CPPED1: variants seen among roughly 807,000 people sequenced by gnomAD.
The protein encoded by CPPED1 is calcineurin like phosphoesterase domain containing 1, also known as serine/threonine-protein phosphatase CPPED1.
CPPED1 carries 28 observed loss-of-function variants against 28.0 expected under a neutral mutation model. The observed-to-expected ratio is 1.00, with a 90% CI of 0.74 to 1.37. The LOEUF (loss-of-function observed/expected upper bound fraction) is 1.37. Among genes scored for constraint, CPPED1 ranks in the 40% most tolerant of loss-of-function variants. CPPED1 has a pLI of 0.00. For missense variants in CPPED1, 504 were observed against 416.5 expected (o/e 1.21, Z -1.83); for synonymous variants, 198 against 180.2 (o/e 1.10, Z -0.79).
At chr16:12,712,201 C>T (rs909172758) in intron 2 of CPPED1, among the ~76,000 whole-genome samples, 1 of 152,092 alleles carries the variant, frequency 6.6e-6, no homozygotes, top group Non-Finnish European at 1.5e-5. Context: ...GGGAAGCATG[C>T]CAAGGACAAG....
intron 1 of CPPED1, among the ~76,000 whole-genome samples, chr16:12,799,243 G>GTTTT (rs200948126): frequency 4.4e-5 from 6 of 135,214 alleles, no homozygotes; most frequent in Non-Finnish European, 6.5e-5. Context: ...GGAAAAGTCA[G>GTTTT]TTTTTTTTTT....
intron 3 of CPPED1, among the ~76,000 whole-genome samples, chr16:12,685,309 G>T (rs1054667383): frequency 2.0e-5 from 3 of 152,142 alleles, no homozygotes; most frequent in Admixed American, 1.3e-4. Context: ...AATTAGCCAG[G>T]TGTGGTGGTG....
At chr16:12,781,759 T>C (rs2080533221) in intron 1 of CPPED1, among the ~76,000 whole-genome samples, 1 of 152,106 alleles carries the variant, frequency 6.6e-6, no homozygotes, top group Admixed American at 6.6e-5. Context: ...AGAATAAAAC[T>C]CCCCAAATTG....
At chr16:12,750,321 C>A (rs1596470783) in intron 2 of CPPED1, among the ~76,000 whole-genome samples, 1 of 152,202 alleles carries the variant, frequency 6.6e-6, no homozygotes, top group East Asian at 1.9e-4. Context: ...TAAGCTTAAT[C>A]ATTTCTAGCT....
At chr16:12,774,167 C>T (rs77872062) in intron 2 of CPPED1, among the ~76,000 whole-genome samples, 7,281 of 152,172 alleles carry the variant, frequency 0.048, 308 homozygotes, top group East Asian at 0.24. Flanking sequence ...TGCTAGATGG[C>T]TTTTTAAAAA....
At chr16:12,760,181 G>A (rs1211478456) in intron 2 of CPPED1, among the ~76,000 whole-genome samples, 1 of 152,204 alleles carries the variant, frequency 6.6e-6, no homozygotes, top group Non-Finnish European at 1.5e-5. Context: ...ACTGTATTGG[G>A]TACAGGTAAT....
chr16:12,704,368 C>A (rs866089377), intron 3 of CPPED1, among the ~76,000 whole-genome samples: 1 of 152,130 alleles, frequency 6.6e-6, no homozygotes, highest in East Asian at 1.9e-4. Flanking sequence ...GTCTTGGAGG[C>A]CTTTCTCATT....
chr16:12,733,367 C>T (rs1202154722), intron 2 of CPPED1, among the ~76,000 whole-genome samples: 1 of 151,798 alleles, frequency 6.6e-6, no homozygotes, highest in East Asian at 1.9e-4. Flanking sequence ...CTCTGCCTCC[C>T]AGATTCGAGA....
intron 2 of CPPED1, among the ~76,000 whole-genome samples, chr16:12,779,090 CA>C (rs2080514597): frequency 6.6e-6 from 1 of 152,178 alleles, no homozygotes; most frequent in Non-Finnish European, 1.5e-5. Flanking sequence ...TGACTGAATA[CA>C]TCAACAGAAT....
chr16:12,766,256 T>TATATATAGAGAGAGAGAG, intron 2 of CPPED1, among the ~76,000 whole-genome samples: 2 of 134,254 alleles, frequency 1.5e-5, no homozygotes, highest in African/African-American at 7.0e-5. Flanking sequence ...TATATATATA[T>TATATATAGAGAGAGAGAG]AGAGAGAGAG....
chr16:12,683,816 G>A (rs1474718201), intron 3 of CPPED1, among the ~76,000 whole-genome samples: 1 of 152,192 alleles, frequency 6.6e-6, no homozygotes, highest in Non-Finnish European at 1.5e-5. Flanking sequence ...CTGTATTTGT[G>A]CTTAACTATG....
At chr16:12,780,393 C>T (rs933383757) in intron 2 of CPPED1, among the ~76,000 whole-genome samples, 1 of 152,122 alleles carries the variant, frequency 6.6e-6, no homozygotes, top group South Asian at 2.1e-4. Context: ...CCAGGCTAGT[C>T]TCGAACACCT....
chr16:12,795,050 G>C (rs1371612598), intron 1 of CPPED1, among the ~76,000 whole-genome samples: 1 of 152,230 alleles, frequency 6.6e-6, no homozygotes, highest in Non-Finnish European at 1.5e-5. Flanking sequence ...CTTGGGGTTT[G>C]CCTGGTTTTG....
chr16:12,722,565 T>A (rs191207064), intron 2 of CPPED1, among the ~76,000 whole-genome samples: 2 of 152,190 alleles, frequency 1.3e-5, no homozygotes, highest in African/African-American at 4.8e-5. Context: ...GGCGAGACCC[T>A]GTCTCTACAA....
At chr16:12,665,222 T>TTC in intron 3 of CPPED1, 107 bp from the exon 4 acceptor site, 2 of 908,652 alleles carry the variant, frequency 2.2e-6, no homozygotes, top group South Asian at 2.1e-5. Flanking sequence ...TATATTATTA[T>TTC]ACCATCATGT....
intron 2 of CPPED1, among the ~76,000 whole-genome samples, chr16:12,780,062 G>A (rs958844401): frequency 6.6e-6 from 1 of 152,078 alleles, no homozygotes; most frequent in African/African-American, 2.4e-5. Context: ...CACTTTTTTC[G>A]GGGGAGACTG....
chr16:12,690,451 T>C (rs1596447173), intron 3 of CPPED1, among the ~76,000 whole-genome samples: 1 of 151,312 alleles, frequency 6.6e-6, no homozygotes, highest in African/African-American at 2.4e-5. Flanking sequence ...GAGGCAGAGG[T>C]TGCAGTGAGC....
intron 2 of CPPED1, among the ~76,000 whole-genome samples, chr16:12,775,732 G>A (rs757324336): frequency 1.3e-4 from 20 of 152,156 alleles, no homozygotes; most frequent in Admixed American, 5.2e-4. Flanking sequence ...AAAACGAAGC[G>A]CACAAGGTTT....
intron 2 of CPPED1, among the ~76,000 whole-genome samples, chr16:12,747,284 T>G (rs2080295808): frequency 6.6e-6 from 1 of 151,636 alleles, no homozygotes; most frequent in South Asian, 2.1e-4. Context: ...GTACACAAAT[T>G]TGCCAGGCAC....
Sources: gnomAD v4.1 joint callset for allele counts (sites outside exome capture counted in the v4.1 genomes callset) on GRCh38, gnomAD v4.1.1 for gene constraint, MANE v1.5 for transcripts, NCBI Gene and HGNC (gene_info 2026-07-23, HGNC 2026-07-21) for gene names.